Variants in RBMS3 observed in about 807,000 individuals in gnomAD.
RBMS3 encodes the protein RNA-binding motif, single-stranded-interacting protein 3.
A neutral mutation model predicts 66.8 loss-of-function variants in RBMS3; 27 were observed. The ratio of observed to expected loss-of-function variants is 0.40; its 90% CI spans 0.30 to 0.56. The LOEUF is 0.56. Among genes scored for constraint, RBMS3 ranks in the 20% least tolerant of loss-of-function variants. The pLI is 0.40. For missense variants in RBMS3, 513 were observed against 549.5 expected (o/e 0.93, Z 0.66); for synonymous variants, 188 against 183.0 (o/e 1.03, Z -0.22).
intron 4 of RBMS3, among the ~76,000 whole-genome samples, chr3:29,657,952 T>A (rs2050383252): frequency 6.6e-6 from 1 of 152,192 alleles, no homozygotes; most frequent in Non-Finnish European, 1.5e-5. Context: ...AATGGAAAGC[T>A]TCAAGGAAAA....
chr3:29,967,040 C>T (rs111777643), intron 12 of RBMS3, among the ~76,000 whole-genome samples: 4,232 of 152,138 alleles, frequency 0.028, 90 homozygotes, highest in Middle Eastern at 0.034. Context: ...GGTAGGAAAC[C>T]CACTTGATCA....
intron 5 of RBMS3, among the ~76,000 whole-genome samples, chr3:29,756,116 C>G (rs1463574066): frequency 6.6e-6 from 1 of 152,130 alleles, no homozygotes; most frequent in Non-Finnish European, 1.5e-5. Flanking sequence ...TCCATGGTTG[C>G]TGTGATGTCT....
intron 3 of RBMS3, among the ~76,000 whole-genome samples, chr3:29,554,897 C>A (rs1483748678): frequency 6.6e-6 from 1 of 151,962 alleles, no homozygotes; most frequent in Non-Finnish European, 1.5e-5. Flanking sequence ...ATTTTTTGAA[C>A]CGAATAGGGC....
intron 3 of RBMS3, among the ~76,000 whole-genome samples, chr3:29,495,485 A>G (rs1010924400): frequency 5.8e-5 from 8 of 137,814 alleles, no homozygotes; most frequent in Non-Finnish European, 1.1e-4. Flanking sequence ...CAGTGGTGCG[A>G]TCTTGGCTCA....
intron 2 of RBMS3, among the ~76,000 whole-genome samples, chr3:29,451,026 T>C (rs1391273539): frequency 6.6e-6 from 1 of 152,108 alleles, no homozygotes; most frequent in African/African-American, 2.4e-5. Context: ...ATTGTCTTCA[T>C]CGACTCCCCC....
chr3:29,729,190 G>T (rs1446545122), intron 4 of RBMS3, among the ~76,000 whole-genome samples: 3 of 136,550 alleles, frequency 2.2e-5, no homozygotes, highest in Admixed American at 1.7e-4. Flanking sequence ...CCCGCCCTGT[G>T]TCCAAGTGAT....
chr3:29,487,494 G>A lies in RBMS3; in HGVS notation c.249-947G>A, dbSNP rs112236924. Among the ~76,000 whole-genome samples, 229 of 152,222 alleles carry A rather than the reference G, an allele frequency of 1.5e-3. 2 individuals are homozygous for A. Among genetic ancestry groups the A allele is most frequent in the African/African-American group, 5.3e-3 (220 of 41,524 alleles). ...GTGGAATTTTTTGACAGTCTAAGTA[G>A]TAATGTTTGAAGCTTTGGGGACAGA... On this transcript the variant is annotated intron_variant, in intron 2 of 14. Coordinates refer to ENST00000383767, the MANE Select transcript of RBMS3 (RefSeq NM_001003793.3).
At chr3:29,516,861 G>A (rs2044646949) in intron 3 of RBMS3, among the ~76,000 whole-genome samples, 1 of 152,146 alleles carries the variant, frequency 6.6e-6, no homozygotes, top group Non-Finnish European at 1.5e-5. Context: ...GAGATGTTGA[G>A]TTAGCAATTA....
chr3:29,441,763 G>A (rs76857439), intron 2 of RBMS3, among the ~76,000 whole-genome samples: 3 of 152,148 alleles, frequency 2.0e-5, no homozygotes, highest in African/African-American at 7.2e-5. Context: ...AGCCTGCTCA[G>A]ATAATTCTAG....
chr3:29,332,870 T>C (rs2035746228), intron 1 of RBMS3, among the ~76,000 whole-genome samples: 1 of 152,190 alleles, frequency 6.6e-6, no homozygotes, highest in Admixed American at 6.6e-5. Context: ...CAATCATTAG[T>C]AGACTGACTT....
chr3:29,954,894 A>G (rs1448941387), intron 12 of RBMS3, among the ~76,000 whole-genome samples: 2 of 152,052 alleles, frequency 1.3e-5, no homozygotes, highest in African/African-American at 2.4e-5. Flanking sequence ...TTTATCTTCA[A>G]GAATATGTTA....
In RBMS3 at chr3:29,587,019, T is replaced by C. The variant is rs1340698762; in HGVS notation, c.308-95T>C. ...AACCAGGGTAATATGTCAGAAGAAA[T>C]GAATGCAAGTCTATCTGTAAACTTG... On this transcript the variant is annotated intron_variant, in intron 3 of 14. Coordinates refer to ENST00000383767, the MANE Select transcript of RBMS3 (RefSeq NM_001003793.3). 5 of 894,786 alleles carry C rather than the reference T, an allele frequency of 5.6e-6. No homozygotes were observed. The Middle Eastern group carries it at 6.8e-4, about 121-fold the overall frequency. 55.4% of individuals were successfully genotyped at this position (894,786 alleles called of 1,614,324 possible).
chr3:29,303,876 G>A (rs2033836674), intron 1 of RBMS3, among the ~76,000 whole-genome samples: 1 of 151,986 alleles, frequency 6.6e-6, no homozygotes, highest in Admixed American at 6.6e-5. Context: ...GAATCATGGT[G>A]GGAGGTGAAA....
At chr3:29,922,155 T>G (rs146201049) in intron 10 of RBMS3, among the ~76,000 whole-genome samples, 13 of 152,236 alleles carry the variant, frequency 8.5e-5, no homozygotes, top group Admixed American at 2.0e-4. Context: ...CTTGTTAAAG[T>G]TATTTAACTG....
At chr3:29,549,746 T>C (rs922873011) in intron 3 of RBMS3, among the ~76,000 whole-genome samples, 1 of 152,000 alleles carries the variant, frequency 6.6e-6, no homozygotes, top group Non-Finnish European at 1.5e-5. Flanking sequence ...AGCAGGAATA[T>C]ATGGAATGCT....
At chr3:29,543,716 T>A (rs557635528) in intron 3 of RBMS3, among the ~76,000 whole-genome samples, 133 of 151,954 alleles carry the variant, frequency 8.8e-4, no homozygotes, top group African/African-American at 3.1e-3. Context: ...TCTCAAAAAA[T>A]AAAAAATAAA....
At chr3:29,618,193 T>C (rs1005785010) in intron 4 of RBMS3, among the ~76,000 whole-genome samples, 1 of 152,046 alleles carries the variant, frequency 6.6e-6, no homozygotes, top group African/African-American at 2.4e-5. Context: ...TAAATAAAAA[T>C]CTAAAAATAG....
intron 1 of RBMS3, among the ~76,000 whole-genome samples, chr3:29,364,439 C>T (rs573012510): frequency 3.0e-4 from 46 of 152,196 alleles, no homozygotes; most frequent in African/African-American, 1.1e-3. Flanking sequence ...TATGTCTTAT[C>T]TAGGTATTCT....
At position 29,365,085 on chromosome 3, in the gene RBMS3, ACTACAGGT is replaced by A. The variant is rs540024093; in HGVS notation, c.76-69657_76-69650del. 3.7e-3 allele frequency among the ~76,000 whole-genome samples: 562 copies of A among 152,272 alleles called. 1 individual carries two copies. Among genetic ancestry groups the A allele is most frequent in the African/African-American group, 0.013 (527 of 41,544 alleles). On this transcript the variant is annotated intron_variant, in intron 1 of 14. Transcript: ENST00000383767. ...TTTTGATATTTTATATTAGGATGTGACTACAGGTTCCACTAATGTTAATATCAAGATTA... is the reference window on the plus strand; with the variant it reads ...TTTTGATATTTTATATTAGGATGTGATCCACTAATGTTAATATCAAGATTA...
Sources: allele counts gnomAD v4.1 joint callset (sites outside exome capture counted in the v4.1 genomes callset), GRCh38; gene constraint gnomAD v4.1.1; transcripts MANE v1.5; gene names NCBI Gene and HGNC (gene_info 2026-07-23, HGNC 2026-07-21).